The following APP variants were observed in gnomAD, a reference collection of about 807,000 sequenced individuals.
APP encodes amyloid beta precursor protein, also known as amyloid-beta precursor protein.
A neutral mutation model predicts 101.4 loss-of-function variants in APP; 31 were observed. The ratio of observed to expected loss-of-function variants is 0.31; its 90% CI spans 0.23 to 0.41. The LOEUF is 0.41. Among genes scored for constraint, APP ranks in the 10% least tolerant of loss-of-function variants. APP has a pLI of 1.00. For synonymous variants in APP, 366 were observed against 364.4 expected (o/e 1.00, Z -0.05); for missense variants, 839 against 1,003.7 (o/e 0.84, Z 2.22).
intron 13 of APP, chr21:25,942,611 T>C (rs1007463939): frequency 6.6e-6 from 1 of 152,180 alleles, no homozygotes; most frequent in Non-Finnish European, 1.5e-5. Flanking sequence ...TAACAAAGAT[T>C]GGGCCCTTAT....
chr21:26,100,434 A>G (rs535521042), intron 2 of APP, among the ~76,000 whole-genome samples: 4 of 152,352 alleles, frequency 2.6e-5, no homozygotes, highest in Admixed American at 2.6e-4. Flanking sequence ...GGGTGCCCAT[A>G]GCAAAGTAAT....
chr21:26,108,182 A>G (rs1208996751), intron 2 of APP, among the ~76,000 whole-genome samples: 1 of 152,208 alleles, frequency 6.6e-6, no homozygotes, highest in African/African-American at 2.4e-5. Context: ...TGGAACCTCA[A>G]TTTCCTCACT....
At chr21:25,956,864 G>A (rs1475814925) in intron 11 of APP, among the ~76,000 whole-genome samples, 1 of 152,052 alleles carries the variant, frequency 6.6e-6, no homozygotes, top group Non-Finnish European at 1.5e-5. Flanking sequence ...CTTTTTCTGT[G>A]CTCCTATGAA....
At chr21:25,982,809 C>T (rs1450966887) in intron 8 of APP, among the ~76,000 whole-genome samples, 2 of 152,184 alleles carry the variant, frequency 1.3e-5, no homozygotes, top group Non-Finnish European at 2.9e-5. Flanking sequence ...AATCCCCATG[C>T]TTTCCTAAAT....
intron 1 of APP, among the ~76,000 whole-genome samples, chr21:26,141,384 C>G (rs917454573): frequency 1.3e-5 from 2 of 152,156 alleles, no homozygotes; most frequent in African/African-American, 2.4e-5. Context: ...GAAAAGAAAG[C>G]AACAAACCCA....
chr21:26,137,020 T>C (rs865976803), intron 1 of APP, among the ~76,000 whole-genome samples: 9 of 149,946 alleles, frequency 6.0e-5, no homozygotes, highest in Admixed American at 4.7e-4. Flanking sequence ...ACTGCACCTA[T>C]GCCTCCTGGG....
chr21:25,913,995 T>C (rs1461350062), intron 13 of APP, among the ~76,000 whole-genome samples: 1 of 152,126 alleles, frequency 6.6e-6, no homozygotes, highest in Admixed American at 6.5e-5. Context: ...TTGCTGGAGA[T>C]ACCAACTTAG....
At chr21:26,017,115 T>C (rs2044118971) in intron 6 of APP, among the ~76,000 whole-genome samples, 1 of 142,720 alleles carries the variant, frequency 7.0e-6, no homozygotes, top group Non-Finnish European at 1.5e-5. Flanking sequence ...GGGAGAATGG[T>C]GTGAACCCGG....
At chr21:25,950,369 CTTT>C (rs1005212439) in intron 13 of APP, among the ~76,000 whole-genome samples, 6 of 140,834 alleles carry the variant, frequency 4.3e-5, no homozygotes, top group Non-Finnish European at 9.3e-5. Context: ...CCACAAGCAG[CTTT>C]TTTTTTTTCT....
intron 6 of APP, among the ~76,000 whole-genome samples, chr21:26,020,629 T>C (rs1002654567): frequency 1.2e-4 from 18 of 152,216 alleles, no homozygotes; most frequent in Non-Finnish European, 8.8e-5. Flanking sequence ...TTGACCTTTA[T>C]AAGTATTTGC....
intron 13 of APP, chr21:25,945,926 C>T (rs2040798442): frequency 2.2e-6 from 1 of 455,582 alleles, no homozygotes; most frequent in South Asian, 1.6e-5. Flanking sequence ...AAGTCATCTG[C>T]CCACCTTGGC....
chr21:25,982,419 C>T lies in APP; in HGVS notation c.1149G>A (p.Gly383=). Residue 383 remains glycine, a synonymous_variant, in exon 9 of 18, where the codon GGG becomes GGA. Transcript: ENST00000346798. ...DAVDKYLETP[G]DENEHAHFQK... Reference sequence around the variant, plus strand: ...GGAAATGGGCATGTTCATTCTCATCCCCAGGTGTCTCGAGATACTTGTCAA... The same window carrying T: ...GGAAATGGGCATGTTCATTCTCATCTCCAGGTGTCTCGAGATACTTGTCAA... 3 of 1,613,518 alleles carry T rather than the reference C, an allele frequency of 1.9e-6. No homozygotes were observed. Among genetic ancestry groups the T allele is most frequent in the Non-Finnish European group, 2.5e-6 (3 of 1,179,738 alleles).
At position 25,982,410 on chromosome 21, in the gene APP, A is replaced by C; in HGVS notation, c.1158T>G (p.Asn386Lys). The change falls in exon 9 of 18, where the codon AAT (asparagine) becomes AAG (lysine). Residue 386 changes from asparagine (N) to lysine (K), a missense_variant. Transcript: ENST00000346798. ...TGGCTTTCTGGAAATGGGCATGTTCATTCTCATCCCCAGGTGTCTCGAGAT... is the reference window on the plus strand; with the variant it reads ...TGGCTTTCTGGAAATGGGCATGTTCCTTCTCATCCCCAGGTGTCTCGAGAT... The part of the protein sequence containing the change: ...DKYLETPGDE[N>K]EHAHFQKAKE... 1 of 1,613,866 alleles carries C rather than the reference A, an allele frequency of 6.2e-7. No homozygotes were observed. Among genetic ancestry groups the C allele is most frequent in the East Asian group, 2.2e-5 (1 of 44,860 alleles).
intron 2 of APP, among the ~76,000 whole-genome samples, chr21:26,105,514 A>G (rs2062161942): frequency 6.6e-6 from 1 of 151,120 alleles, no homozygotes; most frequent in Non-Finnish European, 1.5e-5. Context: ...TAAAAAATAA[A>G]AACATGAAGT....
intron 8 of APP, among the ~76,000 whole-genome samples, chr21:25,985,229 T>C (rs944278456): frequency 1.2e-4 from 18 of 152,312 alleles, no homozygotes; most frequent in South Asian, 4.1e-4. Context: ...ACTTAATCCA[T>C]TGAATCCAGA....
intron 11 of APP, among the ~76,000 whole-genome samples, chr21:25,967,707 G>C (rs9976060): frequency 0.38 from 57,178 of 151,912 alleles, 13,379 homozygotes; most frequent in African/African-American, 0.65. Context: ...TAAGCAGAAC[G>C]CTGAGAGTTA....
In APP at chr21:25,957,315, T is replaced by A. The variant is rs45597037; in HGVS notation, c.1459-1560A>T. 6.8e-3 allele frequency among the ~76,000 whole-genome samples: 1,031 copies of A among 152,242 alleles called. 19 individuals are homozygous for A. The highest frequency in any genetic ancestry group is 0.043 in the East Asian group (225 of 5,180). ...GTAAAAGAGGTAATGACTGATAAGC[T>A]ATATCTCTATATATTGAAAAGAGGA... On this transcript the variant is annotated intron_variant, in intron 11 of 17. Transcript: ENST00000346798.
chr21:26,034,997 T>C (rs1036900189), intron 5 of APP, among the ~76,000 whole-genome samples: 35 of 151,946 alleles, frequency 2.3e-4, no homozygotes, highest in Admixed American at 1.3e-4. Context: ...CAGAAAAGAA[T>C]GATCAGGGCC....
chr21:26,073,814 A>G (rs2061452373), intron 3 of APP, among the ~76,000 whole-genome samples: 3 of 152,224 alleles, frequency 2.0e-5, no homozygotes, highest in African/African-American at 7.2e-5. Context: ...AATTTAGAAC[A>G]AAGGTGGAAA....
Sources: gnomAD v4.1 joint callset for allele counts (sites outside exome capture counted in the v4.1 genomes callset) on GRCh38, gnomAD v4.1.1 for gene constraint, MANE v1.5 for transcripts, NCBI Gene and HGNC (gene_info 2026-07-23, HGNC 2026-07-21) for gene names.